Variants in CNTNAP3B observed in about 807,000 individuals in gnomAD.
The protein encoded by CNTNAP3B is contactin associated protein family member 3B.
Under a neutral mutation model 108.9 loss-of-function variants are expected in CNTNAP3B, and 25 were observed. That is an observed-to-expected ratio of 0.23 (90% CI 0.17 to 0.32). The LOEUF (loss-of-function observed/expected upper bound fraction) is 0.32. CNTNAP3B is among the 10% of genes least tolerant of loss of function. The pLI is 1.00. For synonymous variants in CNTNAP3B, 103 were observed against 473.4 expected (o/e 0.22, Z 10.16); for missense variants, 252 against 1,210.4 (o/e 0.21, Z 11.75).
chr9:41,962,091 G>T (rs1321088391), intron 11 of CNTNAP3B, among the ~76,000 whole-genome samples: 1 of 152,250 alleles, frequency 6.6e-6, no homozygotes, highest in Non-Finnish European at 1.5e-5. Context: ...AAATGATAAT[G>T]TATACATGTA....
rs537269560 is a variant in CNTNAP3B at position 42,078,395 on chromosome 9, C to T, written c.197-1333G>A. ...ATTCTAAGATATTTTTGTAGTGAATCTTTGTTCAAAAATATTTTTTCCTCT... is the reference window on the plus strand; with the variant it reads ...ATTCTAAGATATTTTTGTAGTGAATTTTTGTTCAAAAATATTTTTTCCTCT... On this transcript the variant is annotated intron_variant, in intron 2 of 23. Transcript: ENST00000377561. Among the ~76,000 whole-genome samples, 668 of 138,106 alleles carry T rather than the reference C, an allele frequency of 4.8e-3. 43 individuals carry two copies. The highest frequency in any genetic ancestry group is 0.018 in the African/African-American group (637 of 34,930). 90.6% of individuals were successfully genotyped at this position (138,106 alleles called of 152,430 possible). A position where few individuals can be genotyped will look rare whatever the true frequency, so the allele number is the denominator to read the frequency against.
At chr9:41,952,235 AAATTT>A (rs555392925) in intron 13 of CNTNAP3B, among the ~76,000 whole-genome samples, 1,303 of 150,736 alleles carry the variant, frequency 8.6e-3, no homozygotes, top group South Asian at 0.027. Flanking sequence ...TTTAAGAGTG[AAATTT>A]AATTTAAGTG....
chr9:42,126,761 G>T (rs1273703488), intron 1 of CNTNAP3B, among the ~76,000 whole-genome samples: 1 of 135,860 alleles, frequency 7.4e-6, no homozygotes, highest in African/African-American at 3.0e-5. Flanking sequence ...GTAGAGACAG[G>T]GTTTCACCAT....
chr9:41,947,451 T>C (rs1280002954), intron 13 of CNTNAP3B, among the ~76,000 whole-genome samples: 4,453 of 151,474 alleles, frequency 0.029, 52 homozygotes, highest in East Asian at 0.17. Flanking sequence ...AAGAAATTTA[T>C]TAAAATACTT....
rs1453371344 is a variant in CNTNAP3B at position 42,115,498 on chromosome 9, C to A, written c.86-10759G>T. 3.6e-5 allele frequency among the ~76,000 whole-genome samples: 5 copies of A among 139,418 alleles called. 1 individual carries two copies. Among genetic ancestry groups the A allele is most frequent in the Non-Finnish European group, 4.6e-5 (3 of 64,952 alleles). The allele number at this position is 139,418 out of a possible 152,430, so 91.5% of individuals were successfully genotyped here. On this transcript the variant is annotated intron_variant, in intron 1 of 23. Transcript: ENST00000377561. ...GACTGACACCGCATACAGCCAGGTG[C>A]CCCTCTGAGACGAAGCTTCCAGAGG... is the stretch of plus-strand genomic sequence containing the variant.
chr9:41,969,165 T>A (rs554476970), intron 10 of CNTNAP3B, among the ~76,000 whole-genome samples: 1,099 of 152,040 alleles, frequency 7.2e-3, no homozygotes, highest in African/African-American at 0.024. Flanking sequence ...CCAAATGTAC[T>A]GGGGCAAATT....
At chr9:42,019,591 CA>C (rs569640352) in intron 3 of CNTNAP3B, among the ~76,000 whole-genome samples, 37,681 of 100,350 alleles carry the variant, frequency 0.38, 3,116 homozygotes, top group South Asian at 0.4. Context: ...ATCTCTACTT[CA>C]AAAAAAAAAA....
chr9:41,925,831 G>C (rs1159367455), intron 15 of CNTNAP3B, among the ~76,000 whole-genome samples: 1 of 152,256 alleles, frequency 6.6e-6, no homozygotes, highest in African/African-American at 2.4e-5. Context: ...AATGATCCAG[G>C]CTCATCTTAA....
At chr9:41,928,349 C>G (rs900197411) in intron 15 of CNTNAP3B, among the ~76,000 whole-genome samples, 7 of 152,086 alleles carry the variant, frequency 4.6e-5, no homozygotes, top group African/African-American at 1.5e-4. Context: ...GCTACACACA[C>G]AGTGGGTAGG....
At position 42,111,838 on chromosome 9, in the gene CNTNAP3B, C is replaced by G. The variant is rs1461628401; in HGVS notation, c.86-7099G>C. Among the ~76,000 whole-genome samples, 2 of 138,536 alleles carry G rather than the reference C, an allele frequency of 1.4e-5. 1 individual carries two copies. The highest frequency in any genetic ancestry group is 5.8e-5 in the African/African-American group (2 of 34,752). The allele number at this position is 138,536 out of a possible 152,430, so 90.9% of individuals were successfully genotyped here. A position where few individuals can be genotyped will look rare whatever the true frequency, so the allele number is the denominator to read the frequency against. On this transcript the variant is annotated intron_variant, in intron 1 of 23. Transcript: ENST00000377561. ...GTAGGTCCTCATGTTAACGACCTAACTAATCCTTACAGCCAATGTTTCCTT... is the reference window on the plus strand; with the variant it reads ...GTAGGTCCTCATGTTAACGACCTAAGTAATCCTTACAGCCAATGTTTCCTT...
chr9:41,922,443 G>A (rs1195414038), intron 17 of CNTNAP3B, among the ~76,000 whole-genome samples: 4 of 141,184 alleles, frequency 2.8e-5, no homozygotes, highest in African/African-American at 8.4e-5. Flanking sequence ...TCCAGCCTGG[G>A]CGACACAGTG....
At chr9:42,096,427 C>T (rs893702069) in intron 2 of CNTNAP3B, among the ~76,000 whole-genome samples, 4 of 139,714 alleles carry the variant, frequency 2.9e-5, no homozygotes, top group East Asian at 2.2e-4. Flanking sequence ...CCAAAAGATG[C>T]TTTTGGACTT....
rs1176494567 is a variant in CNTNAP3B at position 42,120,743 on chromosome 9, G to A, written c.85+8267C>T. On this transcript the variant is annotated intron_variant, in intron 1 of 23. Transcript: ENST00000377561. ...AAGGACAAAAAACCAAACACCGCATGTTCTCACTCATAGGTGGGAACTGAA... is the reference window on the plus strand; with the variant it reads ...AAGGACAAAAAACCAAACACCGCATATTCTCACTCATAGGTGGGAACTGAA... 5.7e-4 allele frequency among the ~76,000 whole-genome samples: 72 copies of A among 127,360 alleles called. 9 individuals carry two copies. Among genetic ancestry groups the A allele is most frequent in the African/African-American group, 2.3e-3 (71 of 30,526 alleles). 83.6% of individuals were successfully genotyped at this position (127,360 alleles called of 152,430 possible). A position where few individuals can be genotyped will look rare whatever the true frequency, so the allele number is the denominator to read the frequency against.
At chr9:42,063,315 T>A (rs1438161849) in intron 3 of CNTNAP3B, among the ~76,000 whole-genome samples, 2 of 131,022 alleles carry the variant, frequency 1.5e-5, no homozygotes, top group Non-Finnish European at 3.2e-5. Context: ...CTGTGTATTC[T>A]TGGTTGACAG....
In CNTNAP3B at chr9:42,129,146, C is replaced by T. The variant is rs571271232; in HGVS notation, c.-52G>A. The T allele has an allele frequency of 5.3e-6, 8 of 1,521,178 alleles. 1 individual carries two copies. The East Asian group carries it at 7.4e-5, about 14-fold the overall frequency. 94.2% of individuals were successfully genotyped at this position (1,521,178 alleles called of 1,614,324 possible). A position where few individuals can be genotyped will look rare whatever the true frequency, so the allele number is the denominator to read the frequency against. ...CCCGGGCACGGCGACGGCCGCTCTG[C>T]GTCGTTCCTGCTCTCACTCCCGCTC... On this transcript the variant is annotated 5_prime_UTR_variant, in exon 1 of 24. Coordinates refer to ENST00000377561, the MANE Select transcript of CNTNAP3B (RefSeq NM_001201380.3).
rs1414988216 is a variant in CNTNAP3B, at chr9:42,049,271, T to G, written c.390+27598A>C. ...TGTGTTGACTGTACACCTCTAGATA[T>G]TCCCAGATCTCTCACTCCCACACTA... On this transcript the variant is annotated intron_variant, in intron 3 of 23. Transcript: ENST00000377561. 5.8e-5 allele frequency among the ~76,000 whole-genome samples: 8 copies of G among 138,838 alleles called. No homozygotes were observed. The South Asian group carries it at 7.0e-4, about 12-fold the overall frequency. The allele number at this position is 138,838 out of a possible 152,430, so 91.1% of individuals were successfully genotyped here. A position where few individuals can be genotyped will look rare whatever the true frequency, so the allele number is the denominator to read the frequency against.
chr9:41,940,027 C>T (rs1272379669), intron 13 of CNTNAP3B, among the ~76,000 whole-genome samples: 1 of 152,294 alleles, frequency 6.6e-6, no homozygotes, highest in African/African-American at 2.4e-5. Flanking sequence ...AGACACAGGA[C>T]AGAATCACTG....
intron 12 of CNTNAP3B, among the ~76,000 whole-genome samples, chr9:41,957,908 C>T (rs190087644): frequency 0.011 from 1,614 of 151,430 alleles, no homozygotes; most frequent in African/African-American, 0.037. Flanking sequence ...CTACAGGCAC[C>T]CGCCACTACG....
At chr9:42,042,072 A>T (rs1044700899) in intron 3 of CNTNAP3B, among the ~76,000 whole-genome samples, 2 of 140,012 alleles carry the variant, frequency 1.4e-5, no homozygotes, top group Admixed American at 7.1e-5. Context: ...AACATCACAC[A>T]CTGGGGCCTG....
Sources: gnomAD v4.1 joint callset for allele counts (sites outside exome capture counted in the v4.1 genomes callset) on GRCh38, gnomAD v4.1.1 for gene constraint, MANE v1.5 for transcripts, NCBI Gene and HGNC (gene_info 2026-07-23, HGNC 2026-07-21) for gene names.